TLCD4: variants seen among roughly 807,000 people sequenced by gnomAD.
TLCD4 encodes the protein TLC domain containing 4.
TLCD4 carries 7 observed loss-of-function variants against 24.2 expected under a neutral mutation model. The ratio of observed to expected loss-of-function variants is 0.29; its 90% confidence interval spans 0.16 to 0.54. The LOEUF (loss-of-function observed/expected upper bound fraction) is 0.54. Among genes scored for constraint, TLCD4 ranks in the 20% least tolerant of loss-of-function variants. TLCD4 has a pLI of 0.95. For synonymous variants in TLCD4, 103 were observed against 106.4 expected, an observed-to-expected ratio of 0.97 and a Z score of 0.20; for missense variants, 259 against 313.9, an observed-to-expected ratio of 0.82 and a Z score of 1.32.
At chr1:95,135,788 T>A (rs549727587) in intron 1 of TLCD4, among the ~76,000 whole-genome samples, 86 of 152,316 alleles carry the variant, frequency 5.6e-4, no homozygotes, top group South Asian at 1.9e-3. Context: ...CAGGCTGGAA[T>A]GCAGTAATGT....
intron 2 of TLCD4, among the ~76,000 whole-genome samples, chr1:95,148,338 GA>G (rs1238451270): frequency 6.6e-6 from 1 of 152,210 alleles, no homozygotes; most frequent in Non-Finnish European, 1.5e-5. Context: ...GTTGGGGCTG[GA>G]GCTTGGAGCC....
chr1:95,178,540 GGC>G (rs1386781180), intron 6 of TLCD4, among the ~76,000 whole-genome samples: 1 of 149,128 alleles, frequency 6.7e-6, no homozygotes, highest in East Asian at 2.0e-4. Flanking sequence ...TGGGATTACA[GGC>G]GTGAGCCACC....
At chr1:95,150,419 A>G (rs1191161704) in intron 4 of TLCD4, among the ~76,000 whole-genome samples, 153 bp downstream of exon 4, 1 of 152,158 alleles carries the variant, frequency 6.6e-6, no homozygotes, top group Non-Finnish European at 1.5e-5. Flanking sequence ...TAGAACATGA[A>G]ATGTCTTTTC....
chr1:95,155,801 A>G (rs1677616834), intron 5 of TLCD4, among the ~76,000 whole-genome samples: 1 of 150,288 alleles, frequency 6.7e-6, no homozygotes. Context: ...TCCTACTGGC[A>G]GGATCAACCA....
chr1:95,129,812 C>T (rs2100913293), intron 1 of TLCD4, among the ~76,000 whole-genome samples: 1 of 152,258 alleles, frequency 6.6e-6, no homozygotes, highest in East Asian at 1.9e-4. Flanking sequence ...TCTTCTTTTC[C>T]TCCCATTTGG....
intron 5 of TLCD4, among the ~76,000 whole-genome samples, chr1:95,162,217 A>G (rs570546240): frequency 0.014 from 2,062 of 152,158 alleles, 66 homozygotes; most frequent in African/African-American, 0.048. Flanking sequence ...TAGGATAGTT[A>G]GCTCTTCTTG....
intron 3 of TLCD4, 28 bp downstream of exon 3, chr1:95,148,819 C>CA: frequency 6.2e-7 from 1 of 1,602,190 alleles, no homozygotes; most frequent in Non-Finnish European, 8.5e-7. Flanking sequence ...CTAAGATTGC[C>CA]AATTTCATTT....
chr1:95,165,868 GTTGT>G (rs1222880420), intron 5 of TLCD4, among the ~76,000 whole-genome samples: 3 of 152,134 alleles, frequency 2.0e-5, no homozygotes, highest in Non-Finnish European at 1.5e-5. Context: ...CTTGGTTTCT[GTTGT>G]TTGTTTTATT....
At chr1:95,135,657 G>T (rs1677021763) in intron 1 of TLCD4, among the ~76,000 whole-genome samples, 1 of 151,886 alleles carries the variant, frequency 6.6e-6, no homozygotes, top group Non-Finnish European at 1.5e-5. Context: ...CTTGGCCTCC[G>T]AAAGTGCTGA....
At chr1:95,188,703 T>C (rs950849650) in intron 6 of TLCD4, among the ~76,000 whole-genome samples, 6 of 152,242 alleles carry the variant, frequency 3.9e-5, no homozygotes, top group African/African-American at 1.2e-4. Context: ...CTGTGTTCCT[T>C]TGACATAAAG....
Position 95,195,625 on chromosome 1 carries a change from A to G in TLCD4, c.*3757A>G, listed in dbSNP as rs769689179. 16 of 152,214 alleles carry G rather than the reference A, an allele frequency of 1.1e-4. No homozygotes were observed. The highest frequency in any genetic ancestry group is 2.4e-4 in the Non-Finnish European group (16 of 68,028). The allele number at this position is 152,214 out of a possible 1,614,324, so 9.4% of individuals were successfully genotyped here. A position where few individuals can be genotyped will look rare whatever the true frequency, so the allele number is the denominator to read the frequency against. ...CAGTGTTTCTCAGGTGCGAGCCAGC[A>G]TACAGCGAGACCCTTCATGTGTCTC... On this transcript the variant is annotated 3_prime_UTR_variant, in exon 7 of 7. Transcript: ENST00000370203.
intron 6 of TLCD4, among the ~76,000 whole-genome samples, chr1:95,179,211 A>G (rs1222352810): frequency 6.6e-6 from 1 of 152,250 alleles, no homozygotes; most frequent in Non-Finnish European, 1.5e-5. Flanking sequence ...TGGCATTTCT[A>G]GTGCTTTATG....
chr1:95,123,359 GGAT>G (rs1676622348), intron 1 of TLCD4, among the ~76,000 whole-genome samples: 1 of 152,148 alleles, frequency 6.6e-6, no homozygotes, highest in African/African-American at 2.4e-5. Context: ...GGCAACATAA[GGAT>G]GAAAGGGTGA....
At chr1:95,181,610 T>A (rs1469931470) in intron 6 of TLCD4, among the ~76,000 whole-genome samples, 2 of 151,570 alleles carry the variant, frequency 1.3e-5, no homozygotes, top group Admixed American at 6.6e-5. Context: ...TTTATTTTTT[T>A]TTTTGAGATG....
chr1:95,142,706 C>T (rs774336759), intron 1 of TLCD4, among the ~76,000 whole-genome samples: 4 of 152,058 alleles, frequency 2.6e-5, no homozygotes, highest in Non-Finnish European at 5.9e-5. Context: ...AATCCCAGCA[C>T]TTTAGGAGGC....
At chr1:95,158,222 C>G (rs1201736229) in intron 5 of TLCD4, among the ~76,000 whole-genome samples, 2 of 132,660 alleles carry the variant, frequency 1.5e-5, no homozygotes, top group African/African-American at 6.0e-5. Context: ...GAGTCTCATT[C>G]TGTTGCCCAG....
chr1:95,108,472 C>T, the TLCD4 span, among the ~76,000 whole-genome samples: 5 of 152,106 alleles, frequency 3.3e-5, no homozygotes, highest in African/African-American at 1.2e-4. Flanking sequence ...CTTCTGGGCT[C>T]AGCCATTCTC....
intron 1 of TLCD4, among the ~76,000 whole-genome samples, chr1:95,127,012 CTG>C (rs1312599563): frequency 6.6e-6 from 1 of 152,200 alleles, no homozygotes; most frequent in East Asian, 1.9e-4. Context: ...GTACTAGGAA[CTG>C]TGCTTGGTGC....
intron 1 of TLCD4, among the ~76,000 whole-genome samples, chr1:95,127,243 A>G (rs998419529): frequency 6.7e-4 from 102 of 152,304 alleles, no homozygotes; most frequent in African/African-American, 2.4e-3. Flanking sequence ...CTTGTTCTTC[A>G]GCCCCTCTAA....
Sources: gnomAD v4.1 joint callset for allele counts (sites outside exome capture counted in the v4.1 genomes callset) on GRCh38, gnomAD v4.1.1 for gene constraint, MANE v1.5 for transcripts, NCBI Gene and HGNC (gene_info 2026-07-23, HGNC 2026-07-21) for gene names.